USP7: variants seen among roughly 807,000 people sequenced by gnomAD.
The protein encoded by USP7 is ubiquitin specific peptidase 7.
USP7 carries 9 observed loss-of-function variants against 162.9 expected under a neutral mutation model. The observed-to-expected ratio is 0.06, with a 90% CI of 0.03 to 0.10. The LOEUF (loss-of-function observed/expected upper bound fraction) is 0.10, where lower values mean the gene tolerates loss of function less well. Ranked by LOEUF, USP7 falls within the 10% of genes least tolerant of loss-of-function variation. The probability of loss-of-function intolerance (pLI) is 1.00; values close to 1 mark genes in which losing one functional copy is unlikely to be tolerated. For missense variants in USP7, 715 were observed against 1,373.7 expected, an observed-to-expected ratio of 0.52 and a Z score of 7.58; for synonymous variants, 562 against 475.9, an observed-to-expected ratio of 1.18 and a Z score of -2.35.
In USP7 at chr16:8,898,407, T is replaced by G; in HGVS notation, c.2671A>C (p.Arg891=). The change falls in exon 25 of 31, where the codon AGG becomes CGG. Residue 891 remains arginine (R), a synonymous_variant. Coordinates refer to ENST00000344836, the MANE Select transcript of USP7 (RefSeq NM_003470.3). ...AACCATATACATTTAAAACTTCGCC[T>G]GTTCTCAAAGTCTGTGATTTTCATC... is the stretch of plus-strand genomic sequence containing the variant. The part of the protein sequence containing the change: ...LKMKITDFEN[R]RSFKCIWLNS... 6.2e-7 allele frequency: 1 copy of G among 1,613,376 alleles called. No homozygotes were observed. The highest frequency in any genetic ancestry group is 8.5e-7 in the Non-Finnish European group (1 of 1,179,910).
At chr16:8,922,998 T>G (rs1446404566) in intron 3 of USP7, among the ~76,000 whole-genome samples, 1 of 152,254 alleles carries the variant, frequency 6.6e-6, no homozygotes, top group East Asian at 1.9e-4. Context: ...TTCCATGGGC[T>G]GGTAGATTCT....
At chr16:8,957,082 G>A (rs967674281) in intron 1 of USP7, among the ~76,000 whole-genome samples, 2 of 152,160 alleles carry the variant, frequency 1.3e-5, no homozygotes, top group African/African-American at 4.8e-5. Flanking sequence ...TACAAGAAAC[G>A]TACTAATTAC....
rs184303216 is a variant in USP7, at chr16:8,921,010, G to A, written c.522+147C>T. 7.5e-4 allele frequency: 686 copies of A among 916,042 alleles called. 5 individuals carry two copies. In the African/African-American group the frequency reaches 0.01, roughly 14 times the overall value. 56.7% of individuals were successfully genotyped at this position (916,042 alleles called of 1,614,324 possible). ...GCTAAAAACGTAAGATACGAAACTG[G>A]AGAAAACATGTTTTCAAAGACACTT... On this transcript the variant is annotated intron_variant, in intron 4 of 30. Transcript: ENST00000344836.
rs1266970542 is a variant in USP7 at position 8,915,622 on chromosome 16, G to A, written c.907-97C>T. The A allele has an allele frequency of 2.6e-4, 272 of 1,065,810 alleles. 3 individuals carry two copies. In the East Asian group the frequency reaches 6.5e-3, roughly 25 times the overall value. 66.0% of individuals were successfully genotyped at this position (1,065,810 alleles called of 1,614,324 possible). A position where few individuals can be genotyped will look rare whatever the true frequency, so the allele number is the denominator to read the frequency against. On this transcript the variant is annotated intron_variant, in intron 8 of 30. Coordinates refer to ENST00000344836, the MANE Select transcript of USP7 (RefSeq NM_003470.3). The stretch of plus-strand genomic sequence containing the variant: ...ACTAGAAATATCAATGTTCAAAGAA[G>A]TTGTAGACTATAAAAATATGACCTC...
chr16:8,919,281 C>G, intron 5 of USP7, 142 bp from the exon 6 acceptor site: 1 of 757,064 alleles, frequency 1.3e-6, no homozygotes, highest in Non-Finnish European at 2.2e-6. Flanking sequence ...CAATGGTCAC[C>G]GATTCCCTTC....
intron 1 of USP7, 163 bp downstream of exon 1, chr16:8,963,044 G>A (rs1397760241): frequency 3.2e-5 from 16 of 500,164 alleles, no homozygotes; most frequent in East Asian, 1.9e-4. Context: ...GACCCGGCAT[G>A]ACTTTGCAGC....
intron 1 of USP7, among the ~76,000 whole-genome samples, chr16:8,937,110 A>T (rs985646055): frequency 1.3e-5 from 2 of 152,216 alleles, no homozygotes; most frequent in African/African-American, 2.4e-5. Flanking sequence ...TAAGTGAAAA[A>T]TTTCAGGGCA....
rs555194723 is a variant in USP7, at chr16:8,893,952, G to A, written c.*46C>T. ...TGCACCAAAGTTCTAGGCTGTTAAGGGGCCACCCACACACCGTCCTCGCCT... is the reference window on the plus strand; with the variant it reads ...TGCACCAAAGTTCTAGGCTGTTAAGAGGCCACCCACACACCGTCCTCGCCT... On this transcript the variant is annotated 3_prime_UTR_variant, in exon 31 of 31. Transcript: ENST00000344836. The A allele has an allele frequency of 1.7e-5, 26 of 1,575,756 alleles. No homozygotes were observed. The South Asian group carries it at 2.8e-4, about 17-fold the overall frequency.
chr16:8,915,395 C>A (rs1324386169), intron 9 of USP7, 50 bp downstream of exon 9: 2 of 1,612,768 alleles, frequency 1.2e-6, no homozygotes, highest in Non-Finnish European at 1.7e-6. Flanking sequence ...TCAAAAAATT[C>A]ACATTCTAAA....
chr16:8,924,940 A>C (rs1254049941), intron 2 of USP7, among the ~76,000 whole-genome samples: 2 of 152,230 alleles, frequency 1.3e-5, no homozygotes, highest in Non-Finnish European at 2.9e-5. Context: ...ATAATTATTT[A>C]TTTGAGCCTC....
chr16:8,935,229 C>T (rs1322069364), intron 1 of USP7, among the ~76,000 whole-genome samples: 1 of 137,072 alleles, frequency 7.3e-6, no homozygotes, highest in African/African-American at 2.7e-5. Flanking sequence ...TTGAGACAGT[C>T]TCGTTCTGTC....
At chr16:8,945,190 C>T (rs940741581) in intron 1 of USP7, among the ~76,000 whole-genome samples, 1 of 152,050 alleles carries the variant, frequency 6.6e-6, no homozygotes, top group Non-Finnish European at 1.5e-5. Flanking sequence ...TGCCACTGCA[C>T]TCCAGCCTGG....
At chr16:8,918,907 C>T in intron 6 of USP7, 124 bp downstream of exon 6, 1 of 897,618 alleles carries the variant, frequency 1.1e-6, no homozygotes, top group Non-Finnish European at 1.8e-6. Context: ...CATGAACTAG[C>T]AGCCATCTGA....
chr16:8,939,828 A>G (rs923174659), intron 1 of USP7, among the ~76,000 whole-genome samples: 3 of 152,226 alleles, frequency 2.0e-5, no homozygotes, highest in Admixed American at 1.3e-4. Context: ...GGCCGAGCGC[A>G]GTGGCTCACG....
intron 1 of USP7, among the ~76,000 whole-genome samples, chr16:8,944,120 C>T (rs1194187696): frequency 6.6e-6 from 1 of 152,110 alleles, no homozygotes; most frequent in Non-Finnish European, 1.5e-5. Context: ...TGGTAGTTCC[C>T]TCTGAGGAAC....
intron 1 of USP7, among the ~76,000 whole-genome samples, chr16:8,957,197 G>A (rs1281796141): frequency 6.6e-6 from 1 of 152,246 alleles, no homozygotes; most frequent in Non-Finnish European, 1.5e-5. Context: ...GCTGAGGCAT[G>A]TGTTAACTTA....
chr16:8,920,462 T>C lies in USP7; in HGVS notation c.523-15A>G, dbSNP rs1197128290. ...TCGGTCACTTCCTATAAAACATAAA[T>C]AAGAATATCCAGCTTGAATAAGAAC... On this transcript the variant is annotated splice_polypyrimidine_tract_variant and intron_variant, in intron 4 of 30. Transcript: ENST00000344836. 6.2e-7 allele frequency: 1 copy of C among 1,600,062 alleles called. No homozygotes were observed. Among genetic ancestry groups the C allele is most frequent in the Admixed American group, 1.7e-5 (1 of 58,130 alleles).
intron 11 of USP7, 110 bp downstream of exon 11, chr16:8,910,635 A>C: frequency 2.1e-6 from 2 of 938,594 alleles, no homozygotes; most frequent in Non-Finnish European, 3.3e-6. Flanking sequence ...TATATTCTAA[A>C]TACCAGAAAC....
At chr16:8,926,802 T>C (rs1413933804) in intron 2 of USP7, among the ~76,000 whole-genome samples, 4 of 152,196 alleles carry the variant, frequency 2.6e-5, no homozygotes, top group Non-Finnish European at 5.9e-5. Context: ...CTTTTTACTG[T>C]AAATGACAAA....
Sources: gnomAD v4.1 joint callset for allele counts (sites outside exome capture counted in the v4.1 genomes callset) on GRCh38, gnomAD v4.1.1 for gene constraint, MANE v1.5 for transcripts, NCBI Gene and HGNC (gene_info 2026-07-23, HGNC 2026-07-21) for gene names.